Variants in PKD2L1 observed in about 807,000 individuals in gnomAD.
PKD2L1 encodes the protein polycystin 2 like 1, transient receptor potential cation channel.
A neutral mutation model predicts 93.0 loss-of-function variants in PKD2L1; 77 were observed. That is an observed-to-expected ratio of 0.83 (90% CI 0.69 to 1.00). PKD2L1 has a LOEUF of 1.00. PKD2L1 is among the 50% of genes least tolerant of loss of function. PKD2L1 has a pLI of 0.00. For synonymous variants in PKD2L1, 390 were observed against 388.0 expected, an observed-to-expected ratio of 1.01 and a Z score of -0.06; for missense variants, 977 against 990.9, an observed-to-expected ratio of 0.99 and a Z score of 0.19.
chr10:100,304,815 A>G lies in PKD2L1; in HGVS notation c.350-5097T>C, dbSNP rs546744092. Among the ~76,000 whole-genome samples the G allele has an allele frequency of 3.9e-5, 6 of 152,228 alleles. No individual in the cohort carries two copies. The East Asian group carries it at 7.7e-4, about 20-fold the overall frequency. On this transcript the variant is annotated intron_variant, in intron 2 of 15. Transcript: ENST00000318222. ...ATGGTTTCTATCCTTAAAAAGTTCT[A>G]TTGAGGAAGACGTGTCCCAGAATGA... is the stretch of plus-strand genomic sequence containing the variant.
rs1849477181 is a variant in PKD2L1, at chr10:100,330,218, A to G, written c.-115T>C. The G allele has an allele frequency of 1.6e-6, 1 of 621,888 alleles. No individual in the cohort carries two copies. Among genetic ancestry groups the G allele is most frequent in the East Asian group, 2.9e-5 (1 of 34,962 alleles). The allele number at this position is 621,888 out of a possible 1,614,324, so 38.5% of individuals were successfully genotyped here. On this transcript the variant is annotated 5_prime_UTR_variant, in exon 1 of 16. Coordinates refer to ENST00000318222, the MANE Select transcript of PKD2L1 (RefSeq NM_016112.3). ...GAGAGCAAATGGAAAGGCGTCTGAG[A>G]GCAGCTGTTTCCACACAGCCTGGGC...
rs1848603182 is a variant in PKD2L1, at chr10:100,298,577, G to T, written c.716C>A (p.Pro239His). 6.2e-7 allele frequency: 1 copy of T among 1,613,998 alleles called. No individual in the cohort carries two copies. The highest frequency in any genetic ancestry group is 8.5e-7 in the Non-Finnish European group (1 of 1,180,018). Residue 239 changes from proline to histidine, a missense_variant, in exon 4 of 16, where the codon CCC becomes CAC. Transcript: ENST00000318222. The part of the protein sequence containing the change: ...PDKEEQLPFG[P>H]FNGTAWTYHS... ...GCTCACTCACGCTGTGCCATTGAAGGGCCCAAAGGGGAGTTGTTCTTCTTT... is the reference window on the plus strand; with the variant it reads ...GCTCACTCACGCTGTGCCATTGAAGTGCCCAAAGGGGAGTTGTTCTTCTTT...
At chr10:100,301,457 C>G (rs1258788303) in intron 2 of PKD2L1, among the ~76,000 whole-genome samples, 1 of 137,678 alleles carries the variant, frequency 7.3e-6, no homozygotes, top group African/African-American at 3.5e-5. Flanking sequence ...TTTAGAGGCC[C>G]CCCCCCCGGG....
chr10:100,323,299 C>T (rs144303454), intron 2 of PKD2L1, among the ~76,000 whole-genome samples: 1,858 of 152,258 alleles, frequency 0.012, 23 homozygotes, highest in African/African-American at 0.041. Flanking sequence ...GATGGAGTCT[C>T]GCTCTGTCGC....
chr10:100,290,487 G>T lies in PKD2L1; in HGVS notation c.2040C>A (p.Gly680=). 1 of 1,613,368 alleles carries T rather than the reference G, an allele frequency of 6.2e-7. No homozygotes were observed. The change falls in exon 13 of 16, where the codon GGC becomes GGA. Residue 680 remains glycine (G), a synonymous_variant. Transcript: ENST00000318222. Reference sequence around the variant, plus strand: ...CTTGTGGGCTGCTCACAATAGATCGGCCTAGTTTCTCAATCTCAGTGTTGA... The same window carrying T: ...CTTGTGGGCTGCTCACAATAGATCGTCCTAGTTTCTCAATCTCAGTGTTGA... ...VALNTEIEKL[G]RSIVSSPQGK...
Position 100,308,368 on chromosome 10 carries a change from C to T in PKD2L1, c.350-8650G>A, listed in dbSNP as rs374880041. ...TTTTTTCTCGAGATGGAGTCTCTCT[C>T]TTGTTGCCCTGGCTGGAGTGCAATG... On this transcript the variant is annotated intron_variant, in intron 2 of 15. Transcript: ENST00000318222. Among the ~76,000 whole-genome samples, 150 of 151,194 alleles carry T rather than the reference C, an allele frequency of 9.9e-4. 2 individuals carry two copies. The highest frequency in any genetic ancestry group is 6.7e-3 in the South Asian group (32 of 4,790).
chr10:100,299,038 C>T (rs1163585067), intron 3 of PKD2L1, among the ~76,000 whole-genome samples: 1 of 152,060 alleles, frequency 6.6e-6, no homozygotes, highest in Non-Finnish European at 1.5e-5. Context: ...ACCTCTGCAA[C>T]CTCTGCCTCC....
chr10:100,295,636 G>A (rs1194951764), intron 7 of PKD2L1, among the ~76,000 whole-genome samples: 3 of 149,092 alleles, frequency 2.0e-5, no homozygotes, highest in African/African-American at 7.5e-5. Context: ...AGGAGGCTGA[G>A]GCAGGAGAAT....
intron 8 of PKD2L1, 48 bp downstream of exon 8, chr10:100,294,894 G>A: frequency 5.2e-6 from 8 of 1,523,942 alleles, no homozygotes; most frequent in Non-Finnish European, 7.2e-6. Context: ...CACCCGTGGA[G>A]CTGGAGGGTG....
At chr10:100,296,085 G>T (rs771837910) in intron 7 of PKD2L1, 37 bp downstream of exon 7, 1 of 1,517,528 alleles carries the variant, frequency 6.6e-7, no homozygotes, top group Non-Finnish European at 9.0e-7. Context: ...GAATGAGTGC[G>T]CCTTGAAGCA....
chr10:100,288,862 G>T, intron 15 of PKD2L1, 110 bp downstream of exon 15: 1 of 655,888 alleles, frequency 1.5e-6, no homozygotes, highest in Non-Finnish European at 2.6e-6. Context: ...CTCAGCAGCA[G>T]CCATGATGGG....
Position 100,289,995 on chromosome 10 carries a change from C to T in PKD2L1, c.2250+20G>A, listed in dbSNP as rs1327263781. On this transcript the variant is annotated intron_variant, in intron 14 of 15. Transcript: ENST00000318222. ...GTTCAGCTGTGAGGAACTAGGAGGA[C>T]CAGGTGAAGGGCCACTCACCACGCC... 2 of 1,613,862 alleles carry T rather than the reference C, an allele frequency of 1.2e-6. No individual in the cohort carries two copies. The highest frequency in any genetic ancestry group is 1.1e-5 in the South Asian group (1 of 91,064).
At position 100,299,680 on chromosome 10, in the gene PKD2L1, T is replaced by A. The variant is rs1848635685; in HGVS notation, c.388A>T (p.Thr130Ser). 5 of 1,613,432 alleles carry A rather than the reference T, an allele frequency of 3.1e-6. No individual in the cohort carries two copies. The East Asian group carries it at 1.1e-4, about 36-fold the overall frequency. ...AAGAAGAGCTCAGACATCACTTTGGTGTAGTAATAAGCACTGGAGCTTGTC... is the reference window on the plus strand; with the variant it reads ...AAGAAGAGCTCAGACATCACTTTGGAGTAGTAATAAGCACTGGAGCTTGTC... ...GMTSSSAYYY[T>S]KVMSELFLHT... The change falls in exon 3 of 16, where the codon ACC becomes TCC. Residue 130 changes from threonine (T) to serine (S), a missense_variant. Transcript: ENST00000318222.
chr10:100,327,529 G>T (rs1849405080), intron 2 of PKD2L1, among the ~76,000 whole-genome samples: 1 of 152,156 alleles, frequency 6.6e-6, no homozygotes, highest in Non-Finnish European at 1.5e-5. Context: ...CTGTAACTCT[G>T]GGGAGCTAGA....
chr10:100,329,118 T>C, intron 2 of PKD2L1, 93 bp downstream of exon 2: 3 of 1,219,340 alleles, frequency 2.5e-6, no homozygotes, highest in East Asian at 4.8e-5. Flanking sequence ...AGATGCTCGC[T>C]CCACAGATGT....
At chr10:100,296,683 C>T (rs12767633) in intron 6 of PKD2L1, among the ~76,000 whole-genome samples, 18,455 of 151,630 alleles carry the variant, frequency 0.12, 1,153 homozygotes, top group Admixed American at 0.15. Context: ...GCATGGGTTT[C>T]CACAGAACAG....
intron 9 of PKD2L1, 36 bp downstream of exon 9, chr10:100,294,499 G>T: frequency 1.9e-6 from 3 of 1,612,224 alleles, no homozygotes; most frequent in Non-Finnish European, 1.7e-6. Flanking sequence ...CACCCTGCAG[G>T]CTCTCTATGT....
chr10:100,324,638 C>T (rs1849336835), intron 2 of PKD2L1, among the ~76,000 whole-genome samples: 1 of 152,182 alleles, frequency 6.6e-6, no homozygotes, highest in Non-Finnish European at 1.5e-5. Flanking sequence ...AAGATAACTA[C>T]TACCAGTGAT....
At chr10:100,316,257 C>G (rs1849099252) in intron 2 of PKD2L1, among the ~76,000 whole-genome samples, 1 of 152,230 alleles carries the variant, frequency 6.6e-6, no homozygotes, top group South Asian at 2.1e-4. Context: ...ATTGCAAACT[C>G]TGCCTCCCAG....
Sources: gnomAD v4.1 joint callset for allele counts (sites outside exome capture counted in the v4.1 genomes callset) on GRCh38, gnomAD v4.1.1 for gene constraint, MANE v1.5 for transcripts, NCBI Gene and HGNC (gene_info 2026-07-23, HGNC 2026-07-21) for gene names.